NHSL1: variants seen among roughly 807,000 people sequenced by gnomAD.
NHSL1 encodes the protein NHS like 1.
A neutral mutation model predicts 95.0 loss-of-function variants in NHSL1; 48 were observed. The observed-to-expected ratio is 0.51, with a 90% CI of 0.40 to 0.64. The LOEUF (loss-of-function observed/expected upper bound fraction) is 0.64. Among genes scored for constraint, NHSL1 ranks in the 30% least tolerant of loss-of-function variants. The pLI is 0.00. For missense variants in NHSL1, 1,971 were observed against 2,077.7 expected (o/e 0.95, Z 1.00); for synonymous variants, 783 against 833.9 (o/e 0.94, Z 1.05).
At chr6:138,521,647 G>T (rs182003129) in intron 1 of NHSL1, among the ~76,000 whole-genome samples, 26 of 152,336 alleles carry the variant, frequency 1.7e-4, no homozygotes, top group Middle Eastern at 3.4e-3. Context: ...TGGGACAGAA[G>T]AAAGAGGAAT....
chr6:138,456,570 G>C (rs556419867), intron 3 of NHSL1, among the ~76,000 whole-genome samples: 32 of 152,250 alleles, frequency 2.1e-4, no homozygotes, highest in African/African-American at 7.7e-4. Flanking sequence ...TTTTACACAA[G>C]AGATTGCATA....
intron 1 of NHSL1, among the ~76,000 whole-genome samples, chr6:138,560,522 T>C (rs980500450): frequency 6.6e-6 from 1 of 152,224 alleles, no homozygotes; most frequent in African/African-American, 2.4e-5. Context: ...GAATAGAGTG[T>C]GTTGAAGAAC....
chr6:138,667,355 A>G (rs1371068282), intron 1 of NHSL1, among the ~76,000 whole-genome samples: 2 of 152,236 alleles, frequency 1.3e-5, no homozygotes, highest in Admixed American at 6.5e-5. Flanking sequence ...AGAAAATTTC[A>G]ATACTAAGAA....
chr6:138,509,544 G>T (rs1781123500), intron 1 of NHSL1, among the ~76,000 whole-genome samples: 1 of 152,132 alleles, frequency 6.6e-6, no homozygotes, highest in South Asian at 2.1e-4. Context: ...AGGAGAAACT[G>T]ACAAAATAAA....
intron 1 of NHSL1, among the ~76,000 whole-genome samples, chr6:138,557,945 G>C (rs936458623): frequency 1.3e-5 from 2 of 152,104 alleles, no homozygotes; most frequent in African/African-American, 4.8e-5. Flanking sequence ...TTAGAAAGAT[G>C]TTCATTAAAA....
intron 1 of NHSL1, chr6:138,651,104 T>C (rs1350954399): frequency 5.4e-5 from 19 of 351,086 alleles, no homozygotes; most frequent in Non-Finnish European, 4.4e-5. Context: ...TAGCTACACA[T>C]GCCAACCAAC....
chr6:138,649,426 C>CAA (rs200672360), intron 1 of NHSL1, among the ~76,000 whole-genome samples: 51 of 141,864 alleles, frequency 3.6e-4, no homozygotes, highest in Middle Eastern at 3.5e-3. Context: ...TAAAGCCATC[C>CAA]AAAAAAAAAA....
chr6:138,461,791 T>C (rs1269465838), intron 3 of NHSL1, among the ~76,000 whole-genome samples: 2 of 152,140 alleles, frequency 1.3e-5, no homozygotes, highest in African/African-American at 4.8e-5. Flanking sequence ...AAGGTCAAAG[T>C]AGGGTTTCTT....
In NHSL1 at chr6:138,432,304, G is replaced by A; in HGVS notation, c.2041C>T (p.Leu681Phe). The A allele has an allele frequency of 6.4e-7, 1 of 1,551,634 alleles. No individual in the cohort carries two copies. The highest frequency in any genetic ancestry group is 8.7e-7 in the Non-Finnish European group (1 of 1,146,972). Residue 681 changes from leucine (L) to phenylalanine (F), a missense_variant, in exon 6 of 8, where the codon CTC becomes TTC. By Grantham distance (22) the Leu-to-Phe change is conservative. Transcript: ENST00000343505. This position sits in a 1 kb window ranked among gnomAD's most constrained non-coding sequence, Gnocchi z 4.4. Reference protein sequence around the residue: ...PPLPPSRTDSLRRIPKKSSQC... With the variant: ...PPLPPSRTDSFRRIPKKSSQC... Reference sequence around the variant, plus strand: ...CTGCTCTTCTTGGGAATCCTGCGGAGGGAGTCTGTCCGGGAGGGTGGCAGG... The same window carrying A: ...CTGCTCTTCTTGGGAATCCTGCGGAAGGAGTCTGTCCGGGAGGGTGGCAGG...
intron 3 of NHSL1, among the ~76,000 whole-genome samples, chr6:138,450,743 T>C (rs1176732963): frequency 6.6e-6 from 1 of 152,222 alleles, no homozygotes; most frequent in African/African-American, 2.4e-5. Flanking sequence ...GATAAAGTTA[T>C]ATGCAAATGT....
At chr6:138,471,679 G>A (rs1313913471) in intron 3 of NHSL1, among the ~76,000 whole-genome samples, 1 of 152,012 alleles carries the variant, frequency 6.6e-6, no homozygotes, top group Non-Finnish European at 1.5e-5. Flanking sequence ...TAGATCTATT[G>A]CACAGCAGGA....
At chr6:138,510,906 T>C (rs1206485897) in intron 1 of NHSL1, among the ~76,000 whole-genome samples, 1 of 152,206 alleles carries the variant, frequency 6.6e-6, no homozygotes, top group African/African-American at 2.4e-5. Flanking sequence ...ACAATGTAGA[T>C]TTCTGACTTG....
chr6:138,452,751 A>C (rs1777321101), intron 3 of NHSL1, among the ~76,000 whole-genome samples: 1 of 151,968 alleles, frequency 6.6e-6, no homozygotes, highest in African/African-American at 2.4e-5. Flanking sequence ...CCTTTTGGCT[A>C]TATGTTTCTT....
intron 1 of NHSL1, among the ~76,000 whole-genome samples, chr6:138,640,761 A>G (rs1784949383): frequency 6.6e-6 from 1 of 152,170 alleles, no homozygotes; most frequent in Admixed American, 6.5e-5. Flanking sequence ...TCAAATGTAC[A>G]AGGTTGGTTC....
chr6:138,573,138 C>A (rs1783901351), upstream of NHSL1, among the ~76,000 whole-genome samples: 1 of 152,156 alleles, frequency 6.6e-6, no homozygotes, highest in Non-Finnish European at 1.5e-5. Context: ...CATCCTATCA[C>A]AAAGAGTCAT....
intron 5 of NHSL1, among the ~76,000 whole-genome samples, chr6:138,436,966 T>A (rs1397625431): frequency 1.3e-5 from 2 of 152,080 alleles, no homozygotes; most frequent in East Asian, 3.9e-4. Flanking sequence ...AAAAAAAGAT[T>A]TCTTTCATTT....
chr6:138,604,932 A>T (rs1784414601), intron 1 of NHSL1, among the ~76,000 whole-genome samples: 1 of 152,178 alleles, frequency 6.6e-6, no homozygotes, highest in African/African-American at 2.4e-5. Flanking sequence ...CCTGCACTAC[A>T]ATTTAGTCAT....
chr6:138,567,832 G>A (rs1329755327), intron 1 of NHSL1, among the ~76,000 whole-genome samples: 1 of 152,144 alleles, frequency 6.6e-6, no homozygotes. Flanking sequence ...AGTCCAGAAG[G>A]AAAGGATGAA....
intron 1 of NHSL1, among the ~76,000 whole-genome samples, chr6:138,652,560 A>C (rs1477617537): frequency 6.6e-6 from 1 of 152,172 alleles, no homozygotes; most frequent in Non-Finnish European, 1.5e-5. Flanking sequence ...TTTTATGAAG[A>C]TGCAATTACT....
Sources: allele counts gnomAD v4.1 joint callset (sites outside exome capture counted in the v4.1 genomes callset), GRCh38; gene constraint gnomAD v4.1.1; non-coding constraint Gnocchi (gnomAD v3.1); transcripts MANE v1.5; gene names NCBI Gene and HGNC (gene_info 2026-07-23, HGNC 2026-07-21).